Variants in FHIT observed in about 807,000 individuals in gnomAD.
FHIT encodes the protein bis(5'-adenosyl)-triphosphatase.
FHIT carries 19 observed loss-of-function variants against 17.9 expected under a neutral mutation model. The ratio of observed to expected loss-of-function variants is 1.06; its 90% confidence interval spans 0.74 to 1.56. The LOEUF (loss-of-function observed/expected upper bound fraction) is 1.56, where lower values mean the gene tolerates loss of function less well. FHIT is among the 40% of genes most tolerant of loss of function. The pLI is 0.00. For synonymous variants in FHIT, 81 were observed against 69.7 expected (o/e 1.16, Z -0.81); for missense variants, 248 against 189.2 (o/e 1.31, Z -1.82).
chr3:60,315,985 T>C (rs1279651523), intron 5 of FHIT, among the ~76,000 whole-genome samples: 1 of 152,218 alleles, frequency 6.6e-6, no homozygotes, highest in Non-Finnish European at 1.5e-5. Flanking sequence ...TTATGATTTG[T>C]CCTTCCATAT....
intron 3 of FHIT, among the ~76,000 whole-genome samples, chr3:60,864,482 G>C (rs1320562185): frequency 6.6e-6 from 1 of 152,104 alleles, no homozygotes; most frequent in Non-Finnish European, 1.5e-5. Context: ...TGAGATTTGG[G>C]ATGAATACCT....
chr3:60,169,269 C>A (rs1183407390), intron 5 of FHIT, among the ~76,000 whole-genome samples: 1 of 152,154 alleles, frequency 6.6e-6, no homozygotes, highest in African/African-American at 2.4e-5. Context: ...AAAGGAATAT[C>A]TGAAGGATCT....
intron 4 of FHIT, among the ~76,000 whole-genome samples, chr3:60,750,643 G>C (rs1337446115): frequency 2.0e-5 from 3 of 152,116 alleles, no homozygotes; most frequent in Admixed American, 1.3e-4. Context: ...CAGCCATGTG[G>C]AACAGTAAGT....
chr3:60,969,204 T>C (rs1321836716), intron 3 of FHIT, among the ~76,000 whole-genome samples: 1 of 152,148 alleles, frequency 6.6e-6, no homozygotes. Flanking sequence ...ATTTCTGTAA[T>C]AGATATAGGA....
At position 60,583,500 on chromosome 3, in the gene FHIT, T is replaced by C. The variant is rs115895384; in HGVS notation, c.-17-46521A>G. Among the ~76,000 whole-genome samples the C allele has an allele frequency of 3.2e-3, 490 of 152,190 alleles. 6 individuals carry two copies. Among genetic ancestry groups the C allele is most frequent in the African/African-American group, 0.011 (473 of 41,552 alleles). ...ATGTGAGGATATAGATGACAGACGA[T>C]ATGAACAAAAAGGGCAAGACTGGAT... On this transcript the variant is annotated intron_variant, in intron 4 of 9. Coordinates refer to ENST00000492590, the MANE Select transcript of FHIT (RefSeq NM_002012.4).
At chr3:60,943,415 T>C (rs111656720) in intron 3 of FHIT, among the ~76,000 whole-genome samples, 54 of 152,258 alleles carry the variant, frequency 3.5e-4, no homozygotes, top group Non-Finnish European at 6.6e-4. Context: ...ATATTAATAG[T>C]GTCACCAGCT....
At chr3:60,173,202 T>C (rs1701495245) in intron 5 of FHIT, among the ~76,000 whole-genome samples, 1 of 152,134 alleles carries the variant, frequency 6.6e-6, no homozygotes, top group Non-Finnish European at 1.5e-5. Flanking sequence ...GGTTGAAAGA[T>C]CATGATGGAT....
chr3:59,913,386 G>A (rs182209444), intron 8 of FHIT, among the ~76,000 whole-genome samples: 16 of 152,216 alleles, frequency 1.1e-4, no homozygotes, highest in Admixed American at 3.3e-4. Context: ...AAACAGGGAC[G>A]GCTTTGTAGT....
chr3:60,847,363 A>C (rs1267783556), intron 3 of FHIT, among the ~76,000 whole-genome samples: 2 of 151,824 alleles, frequency 1.3e-5, no homozygotes, highest in African/African-American at 2.4e-5. Flanking sequence ...GAAGATCTAC[A>C]CCTGATGCTG....
At chr3:61,103,805 G>A (rs1273270334) in intron 2 of FHIT, among the ~76,000 whole-genome samples, 2 of 152,030 alleles carry the variant, frequency 1.3e-5, no homozygotes, top group African/African-American at 2.4e-5. Flanking sequence ...TTGCCATTAT[G>A]TAATGGCTTT....
At chr3:59,769,992 T>C (rs1430892626) in intron 8 of FHIT, among the ~76,000 whole-genome samples, 1 of 152,234 alleles carries the variant, frequency 6.6e-6, no homozygotes, top group Non-Finnish European at 1.5e-5. Context: ...GCTCTATGCA[T>C]TGCCTTTTCC....
intron 3 of FHIT, among the ~76,000 whole-genome samples, chr3:60,950,184 C>T (rs1708816032): frequency 6.6e-6 from 1 of 152,126 alleles, no homozygotes; most frequent in South Asian, 2.1e-4. Context: ...TCTAATGACA[C>T]AGTTTTCATT....
At chr3:60,492,112 C>CACTCACTT (rs2034091613) in intron 5 of FHIT, among the ~76,000 whole-genome samples, 1 of 152,142 alleles carries the variant, frequency 6.6e-6, no homozygotes, top group Non-Finnish European at 1.5e-5. Context: ...ATCCTATTTC[C>CACTCACTT]ACTCACTTGT....
chr3:61,200,953 A>T (rs986969404), intron 1 of FHIT, among the ~76,000 whole-genome samples: 1 of 152,088 alleles, frequency 6.6e-6, no homozygotes, highest in African/African-American at 2.4e-5. Flanking sequence ...GGAACGGCTT[A>T]TAGCGAGATG....
chr3:60,835,277 T>C (rs1215018614), intron 3 of FHIT, among the ~76,000 whole-genome samples: 1 of 152,198 alleles, frequency 6.6e-6, no homozygotes, highest in Non-Finnish European at 1.5e-5. Flanking sequence ...CTGAGATTTT[T>C]GATAGGAACT....
intron 7 of FHIT, among the ~76,000 whole-genome samples, chr3:59,986,330 T>A (rs1200643396): frequency 6.6e-6 from 1 of 151,172 alleles, no homozygotes; most frequent in Non-Finnish European, 1.5e-5. Flanking sequence ...AAACACCACA[T>A]GTACAAAGAA....
At chr3:60,321,869 C>A (rs1371610366) in intron 5 of FHIT, among the ~76,000 whole-genome samples, 1 of 152,190 alleles carries the variant, frequency 6.6e-6, no homozygotes, top group Non-Finnish European at 1.5e-5. Context: ...GGCAAGGAAG[C>A]TCCCTCCAAC....
At chr3:60,183,117 G>A (rs1308907316) in intron 5 of FHIT, among the ~76,000 whole-genome samples, 1 of 151,966 alleles carries the variant, frequency 6.6e-6, no homozygotes, top group Non-Finnish European at 1.5e-5. Context: ...AGAGGAGCTG[G>A]CCAGGCACGG....
In FHIT at chr3:59,841,505, A is replaced by G. The variant is rs1310929405; in HGVS notation, c.348+80841T>C. ...TTCCATTCATCACGGAACAATCCAG[A>G]TAGGCAATAATGAACCCAGGGCTCC... On this transcript the variant is annotated intron_variant, in intron 8 of 9. Coordinates refer to ENST00000492590, the MANE Select transcript of FHIT (RefSeq NM_002012.4). Among the ~76,000 whole-genome samples the G allele has an allele frequency of 5.3e-5, 8 of 152,150 alleles. No homozygotes were observed. The South Asian group carries it at 1.7e-3, about 32-fold the overall frequency.
Sources: allele counts gnomAD v4.1 joint callset (sites outside exome capture counted in the v4.1 genomes callset), GRCh38; gene constraint gnomAD v4.1.1; transcripts MANE v1.5; gene names NCBI Gene and HGNC (gene_info 2026-07-23, HGNC 2026-07-21).